The following PRKDC variants were observed in gnomAD, a reference collection of about 807,000 sequenced individuals.
PRKDC encodes the protein DNA-dependent protein kinase catalytic subunit.
Under a neutral mutation model 486.9 loss-of-function variants are expected in PRKDC, and 82 were observed. The observed-to-expected ratio is 0.17, with a 90% CI of 0.14 to 0.20. PRKDC has a LOEUF of 0.20. PRKDC is among the 10% of genes least tolerant of loss of function. PRKDC has a pLI of 1.00. For missense variants in PRKDC, 4,504 were observed against 5,038.2 expected (o/e 0.89, Z 3.21); for synonymous variants, 1,895 against 1,837.0 (o/e 1.03, Z -0.81).
intron 77 of PRKDC, 65 bp downstream of exon 77, chr8:47,785,048 C>G: frequency 6.8e-7 from 1 of 1,481,086 alleles, no homozygotes; most frequent in South Asian, 1.2e-5. Context: ...CCAGAAACCA[C>G]GAGTTCTTAT....
chr8:47,957,673 G>C (rs2090729589), intron 1 of PRKDC, among the ~76,000 whole-genome samples: 1 of 152,052 alleles, frequency 6.6e-6, no homozygotes. Flanking sequence ...ACCATGCCCG[G>C]CTAATTTTTT....
At position 47,942,485 on chromosome 8, in the gene PRKDC, G is replaced by A. The variant is rs556800781; in HGVS notation, c.966+724C>T. Among the ~76,000 whole-genome samples, 46 of 152,252 alleles carry A rather than the reference G, an allele frequency of 3.0e-4. 2 individuals are homozygous for A. Among genetic ancestry groups the A allele is most frequent in the Admixed American group, 2.6e-3 (40 of 15,294 alleles). On this transcript the variant is annotated intron_variant, in intron 10 of 85. Coordinates refer to ENST00000314191, the MANE Select transcript of PRKDC (RefSeq NM_006904.7). ...TCTCTCTTCTCCTTCCACACATCCC[G>A]GCTGTGACTCTCAGGCTAACACAAC...
chr8:47,900,950 C>A (rs751961307), intron 27 of PRKDC, among the ~76,000 whole-genome samples: 18 of 151,540 alleles, frequency 1.2e-4, no homozygotes, highest in Middle Eastern at 3.4e-3. Flanking sequence ...GAGTTCGAGA[C>A]CAGCCTGGGC....
intron 71 of PRKDC, among the ~76,000 whole-genome samples, chr8:47,800,150 C>T (rs1033222803): frequency 4.6e-5 from 7 of 152,060 alleles, no homozygotes; most frequent in African/African-American, 1.7e-4. Flanking sequence ...TATAAAGACA[C>T]ATGCACACGT....
chr8:47,823,155 G>A (rs529814174), intron 64 of PRKDC, among the ~76,000 whole-genome samples: 1 of 151,956 alleles, frequency 6.6e-6, no homozygotes, highest in African/African-American at 2.4e-5. Flanking sequence ...GCAACATAGT[G>A]ACACCTCATC....
chr8:47,898,535 G>A lies in PRKDC; in HGVS notation c.3399C>T (p.His1133=), dbSNP rs1281004410. The A allele has an allele frequency of 3.9e-6, 6 of 1,531,408 alleles. No homozygotes were observed. In the East Asian group the frequency reaches 9.2e-5, roughly 24 times the overall value. The allele number at this position is 1,531,408 out of a possible 1,614,324, so 94.9% of individuals were successfully genotyped here. ...GCTTCTTTTCAATGATGCGGCATAG[G>A]TGATCAATGGCATCACAACACTGTT... ...TIQQCCDAID[H]LCRIIEKKHV... Residue 1133 remains histidine, a synonymous_variant, in exon 29 of 86, where the codon CAC becomes CAT. Coordinates refer to ENST00000314191, the MANE Select transcript of PRKDC (RefSeq NM_006904.7).
At chr8:47,866,628 G>C (rs536761014) in intron 40 of PRKDC, among the ~76,000 whole-genome samples, 1 of 152,032 alleles carries the variant, frequency 6.6e-6, no homozygotes, top group East Asian at 1.9e-4. Flanking sequence ...AAAAATTAAG[G>C]TAACAAAGGG....
intron 40 of PRKDC, among the ~76,000 whole-genome samples, chr8:47,868,525 C>T (rs1227903198): frequency 1.3e-5 from 2 of 152,104 alleles, no homozygotes; most frequent in Admixed American, 6.6e-5. Context: ...GATCATGCCA[C>T]TGCCCTCCAG....
intron 54 of PRKDC, among the ~76,000 whole-genome samples, chr8:47,845,205 C>A (rs558875074): frequency 6.6e-6 from 1 of 152,068 alleles, no homozygotes; most frequent in Non-Finnish European, 1.5e-5. Flanking sequence ...CTGGGCAACA[C>A]GGTGAGACTC....
At chr8:47,924,046 T>C (rs1463878413) in intron 21 of PRKDC, among the ~76,000 whole-genome samples, 1 of 152,240 alleles carries the variant, frequency 6.6e-6, no homozygotes, top group African/African-American at 2.4e-5. Flanking sequence ...TATCTGCACA[T>C]GCTCACTGCT....
At chr8:47,783,842 C>T in intron 77 of PRKDC, 33 bp from the exon 78 acceptor site, 2 of 1,601,956 alleles carry the variant, frequency 1.2e-6, no homozygotes, top group Non-Finnish European at 1.7e-6. Context: ...TTAGGAACAG[C>T]TTGTTAGACA....
At chr8:47,885,655 G>A (rs1393995444) in intron 36 of PRKDC, among the ~76,000 whole-genome samples, 1 of 152,106 alleles carries the variant, frequency 6.6e-6, no homozygotes, top group African/African-American at 2.4e-5. Context: ...CACTTCGGGA[G>A]GCCAAACTGG....
At chr8:47,792,953 C>A (rs1301240764) in intron 74 of PRKDC, among the ~76,000 whole-genome samples, 1 of 152,230 alleles carries the variant, frequency 6.6e-6, no homozygotes, top group Non-Finnish European at 1.5e-5. Flanking sequence ...TCAGTCATAG[C>A]TCACTGCAGC....
At chr8:47,957,475 C>T (rs1162085106) in intron 1 of PRKDC, 44 bp from the exon 2 acceptor site, 5 of 1,475,704 alleles carry the variant, frequency 3.4e-6, no homozygotes, top group Non-Finnish European at 4.6e-6. Context: ...GTGCCAAGAG[C>T]ATCATGTAAA....
chr8:47,775,323 T>A (rs2154497206), intron 85 of PRKDC, among the ~76,000 whole-genome samples: 1 of 151,984 alleles, frequency 6.6e-6, no homozygotes, highest in Non-Finnish European at 1.5e-5. Context: ...TGGCCATTTG[T>A]ATATTTTCAT....
At chr8:47,798,207 C>T (rs548787276) in intron 73 of PRKDC, 30 bp downstream of exon 73, 1 of 1,597,870 alleles carries the variant, frequency 6.3e-7, no homozygotes, top group African/African-American at 1.4e-5. Context: ...TGTAAAGTTC[C>T]TTACCGCCAA....
chr8:47,847,313 C>A (rs1287539073), intron 54 of PRKDC, among the ~76,000 whole-genome samples: 2 of 152,096 alleles, frequency 1.3e-5, no homozygotes, highest in African/African-American at 2.4e-5. Context: ...AAAACACAGA[C>A]ACACAGACCA....
intron 55 of PRKDC, among the ~76,000 whole-genome samples, chr8:47,839,447 G>A (rs562061601): frequency 1.3e-5 from 2 of 152,342 alleles, no homozygotes; most frequent in Admixed American, 1.3e-4. Context: ...CAGGAGCTGA[G>A]TGGAACAGGA....
In PRKDC at chr8:47,953,860, T is replaced by C; in HGVS notation, c.568A>G (p.Ile190Val). ...LLGEVHPSEM[I>V]NNAENLFRAF... ...CGGAACAGGTTTTCTGCATTATTTA[T>C]CATCTCACTAGGATGAACTTCACCC... The change falls in exon 6 of 86, where the codon ATA (isoleucine) becomes GTA (valine). Residue 190 changes from isoleucine (I) to valine (V), a missense_variant. Ile to Val is a conservative substitution (Grantham distance 29, BLOSUM62 3). Transcript: ENST00000314191. 1.3e-6 allele frequency: 2 copies of C among 1,569,080 alleles called. No individual in the cohort carries two copies. The highest frequency in any genetic ancestry group is 8.7e-7 in the Non-Finnish European group (1 of 1,154,898).
Sources: gnomAD v4.1 joint callset for allele counts (sites outside exome capture counted in the v4.1 genomes callset) on GRCh38, gnomAD v4.1.1 for gene constraint, MANE v1.5 for transcripts, NCBI Gene and HGNC (gene_info 2026-07-23, HGNC 2026-07-21) for gene names.